The following EPB41 variants were observed in gnomAD, a reference collection of about 807,000 sequenced individuals.
EPB41 encodes protein 4.1.
Under a neutral mutation model 108.0 loss-of-function variants are expected in EPB41, and 65 were observed. That is an observed-to-expected ratio of 0.60 (90% CI 0.49 to 0.74). The LOEUF is 0.74. Ranked by LOEUF, EPB41 falls within the 30% of genes least tolerant of loss-of-function variation. The pLI is 0.00. For missense variants in EPB41, 875 were observed against 1,037.0 expected, an observed-to-expected ratio of 0.84 and a Z score of 2.15; for synonymous variants, 336 against 358.9, an observed-to-expected ratio of 0.94 and a Z score of 0.72.
At chr1:29,022,336 T>C (rs1228179007) in intron 7 of EPB41, among the ~76,000 whole-genome samples, 1 of 147,240 alleles carries the variant, frequency 6.8e-6, no homozygotes, top group East Asian at 2.0e-4. Context: ...ACATTTCACA[T>C]TGAAAATTAT....
intron 1 of EPB41, among the ~76,000 whole-genome samples, chr1:28,927,569 G>C (rs1039676891): frequency 2.0e-5 from 3 of 152,232 alleles, no homozygotes; most frequent in Non-Finnish European, 4.4e-5. Context: ...TACTCTCTGT[G>C]TATGCTAATT....
At chr1:29,027,919 G>C (rs1290593591) in intron 7 of EPB41, among the ~76,000 whole-genome samples, 1 of 151,860 alleles carries the variant, frequency 6.6e-6, no homozygotes, top group Non-Finnish European at 1.5e-5. Context: ...CTGCCTCCCA[G>C]GTTCAAGTGA....
chr1:29,072,446 A>C (rs1471952342), intron 16 of EPB41: 8 of 152,234 alleles, frequency 5.3e-5, no homozygotes, highest in Non-Finnish European at 7.3e-5. Context: ...GTTTCAGATT[A>C]TAATTCCTGA....
chr1:29,085,959 TTCCTC>T (rs750624030), intron 16 of EPB41, among the ~76,000 whole-genome samples: 15 of 152,322 alleles, frequency 9.8e-5, no homozygotes, highest in Admixed American at 1.3e-4. Context: ...TTATAATTCT[TTCCTC>T]TAACTACTTT....
At position 28,994,175 on chromosome 1, in the gene EPB41, G is replaced by T. The variant is rs537084375; in HGVS notation, c.681+633G>T. ...AGGACAAGTTGACAATTTTTTTTTTGTTTGTTTGTTTTTTGAGACAGAGTC... is the reference window on the plus strand; with the variant it reads ...AGGACAAGTTGACAATTTTTTTTTTTTTTGTTTGTTTTTTGAGACAGAGTC... On this transcript the variant is annotated intron_variant, in intron 3 of 20. Transcript: ENST00000343067. 1.4e-3 allele frequency among the ~76,000 whole-genome samples: 206 copies of T among 149,954 alleles called. 1 individual carries two copies. Among genetic ancestry groups the T allele is most frequent in the African/African-American group, 4.0e-3 (162 of 40,960 alleles).
At chr1:29,031,213 T>C (rs938943494) in intron 8 of EPB41, among the ~76,000 whole-genome samples, 1 of 152,180 alleles carries the variant, frequency 6.6e-6, no homozygotes, top group African/African-American at 2.4e-5. Context: ...TCCAAGCTAC[T>C]GTTAAGATCA....
At chr1:28,889,922 G>A in intron 1 of EPB41, 1 of 831,614 alleles carries the variant, frequency 1.2e-6, no homozygotes, top group Non-Finnish European at 1.5e-6. Context: ...GATTTGTTAG[G>A]GGTTTGCAGA....
At chr1:28,957,026 C>G (rs1430500419) in intron 1 of EPB41, among the ~76,000 whole-genome samples, 1 of 152,204 alleles carries the variant, frequency 6.6e-6, no homozygotes, top group Non-Finnish European at 1.5e-5. Context: ...TTAAAAAAGA[C>G]TAGATTGCAT....
At chr1:28,917,426 G>T (rs924471182) in intron 1 of EPB41, among the ~76,000 whole-genome samples, 1 of 152,026 alleles carries the variant, frequency 6.6e-6, no homozygotes, top group Non-Finnish European at 1.5e-5. Flanking sequence ...GATTACAGGC[G>T]CTTGCCATCA....
At chr1:28,915,343 C>G (rs937071992) in intron 1 of EPB41, among the ~76,000 whole-genome samples, 2 of 152,184 alleles carry the variant, frequency 1.3e-5, no homozygotes, top group African/African-American at 4.8e-5. Flanking sequence ...TAAATCTATT[C>G]TCTCAGCGTC....
At chr1:28,956,534 T>TA (rs1341877688) in intron 1 of EPB41, among the ~76,000 whole-genome samples, 4 of 152,238 alleles carry the variant, frequency 2.6e-5, no homozygotes, top group African/African-American at 9.6e-5. Context: ...TAGGTTGAGT[T>TA]ATTTGTCTCT....
intron 1 of EPB41, among the ~76,000 whole-genome samples, chr1:28,982,034 A>G (rs2095760166): frequency 6.6e-6 from 1 of 151,866 alleles, no homozygotes; most frequent in South Asian, 2.1e-4. Flanking sequence ...TCCTAATGCT[A>G]TCCCTCCCCC....
chr1:28,917,645 A>T (rs570361954), intron 1 of EPB41, among the ~76,000 whole-genome samples: 9 of 151,710 alleles, frequency 5.9e-5, no homozygotes, highest in Admixed American at 3.9e-4. Flanking sequence ...CAGTGGCATG[A>T]TCCTGGCTCA....
upstream of EPB41, among the ~76,000 whole-genome samples, chr1:28,909,700 T>C (rs1320359019): frequency 6.6e-6 from 1 of 151,964 alleles, no homozygotes; most frequent in African/African-American, 2.4e-5. Flanking sequence ...CTCAGGAGGC[T>C]GAGGAGGCAG....
chr1:29,096,509 C>T, intron 16 of EPB41: 1 of 985,862 alleles, frequency 1.0e-6, no homozygotes, highest in Middle Eastern at 5.2e-4. Flanking sequence ...TAGTGAAGAA[C>T]ATGTTACACC....
chr1:29,037,829 C>T (rs188099376), intron 10 of EPB41, among the ~76,000 whole-genome samples: 6 of 152,256 alleles, frequency 3.9e-5, no homozygotes, highest in Non-Finnish European at 8.8e-5. Flanking sequence ...CCACTGCACT[C>T]GGCCCAGTTT....
At chr1:28,993,800 C>T (rs775342730) in intron 3 of EPB41, among the ~76,000 whole-genome samples, 1 of 151,234 alleles carries the variant, frequency 6.6e-6, no homozygotes, top group Non-Finnish European at 1.5e-5. Flanking sequence ...GGGATTACAG[C>T]CATGTGCCAC....
intron 16 of EPB41, among the ~76,000 whole-genome samples, chr1:29,077,730 ACAAC>A (rs1654694269): frequency 4.6e-5 from 7 of 152,214 alleles, no homozygotes. Flanking sequence ...ATGGTCTGTC[ACAAC>A]CACTCAGCTT....
chr1:29,119,314 A>AG lies in EPB41; in HGVS notation c.*2503dup, dbSNP rs1300787779. 1 of 152,572 alleles carries AG rather than the reference A, an allele frequency of 6.6e-6. No homozygotes were observed. The highest frequency in any genetic ancestry group is 1.5e-5 in the Non-Finnish European group (1 of 68,022). 9.5% of individuals were successfully genotyped at this position (152,572 alleles called of 1,614,324 possible). A position where few individuals can be genotyped will look rare whatever the true frequency, so the allele number is the denominator to read the frequency against. ...GTTGTGTGTATGTGTGTTTGTGTGA[A>AG]GAAAAACAGACTCTGTCCAGGTAGA... On this transcript the variant is annotated 3_prime_UTR_variant, in exon 21 of 21. Coordinates refer to ENST00000343067, the MANE Select transcript of EPB41 (RefSeq NM_001376013.1).
Sources: gnomAD v4.1 joint callset for allele counts (sites outside exome capture counted in the v4.1 genomes callset) on GRCh38, gnomAD v4.1.1 for gene constraint, MANE v1.5 for transcripts, NCBI Gene and HGNC (gene_info 2026-07-23, HGNC 2026-07-21) for gene names.